Variants in NBAS observed in about 807,000 individuals in gnomAD.
NBAS encodes the protein NAG/BC035112 fusion.
NBAS carries 219 observed loss-of-function variants against 302.5 expected under a neutral mutation model. The ratio of observed to expected loss-of-function variants is 0.72; its 90% CI spans 0.65 to 0.81. The LOEUF is 0.81. Ranked by LOEUF, NBAS falls within the 30% of genes least tolerant of loss-of-function variation. NBAS has a pLI of 0.00. For synonymous variants in NBAS, 1,118 were observed against 1,021.6 expected (o/e 1.09, Z -1.80); for missense variants, 2,932 against 2,841.6 (o/e 1.03, Z -0.72).
chr2:15,096,596 G>A, the NBAS span, among the ~76,000 whole-genome samples: 1 of 152,150 alleles, frequency 6.6e-6, no homozygotes, highest in Non-Finnish European at 1.5e-5. Flanking sequence ...TCCTTATGCA[G>A]TCTCGGACAA....
the NBAS span, among the ~76,000 whole-genome samples, chr2:14,847,804 T>C: frequency 6.6e-6 from 1 of 152,200 alleles, no homozygotes; most frequent in South Asian, 2.1e-4. Flanking sequence ...TTACACAACA[T>C]TTCATCCAAC....
chr2:15,232,619 C>T (rs1667427422), intron 46 of NBAS, 108 bp from the exon 47 acceptor site: 1 of 891,566 alleles, frequency 1.1e-6, no homozygotes, highest in Non-Finnish European at 1.8e-6. Context: ...GCACAGTATA[C>T]TGCCTGCCCA....
At chr2:15,021,094 T>C in the NBAS span, among the ~76,000 whole-genome samples, 1 of 152,066 alleles carries the variant, frequency 6.6e-6, no homozygotes, top group Admixed American at 6.5e-5. Context: ...TAGCCAGGCA[T>C]GTTGGCGGGC....
At chr2:15,442,808 T>A (rs931476527) in intron 21 of NBAS, among the ~76,000 whole-genome samples, 4 of 151,276 alleles carry the variant, frequency 2.6e-5, no homozygotes, top group African/African-American at 9.7e-5. Flanking sequence ...CAATAAAAAA[T>A]GATAAAGGGG....
chr2:15,454,056 C>A (rs1679141014), intron 21 of NBAS, among the ~76,000 whole-genome samples: 1 of 152,142 alleles, frequency 6.6e-6, no homozygotes, highest in South Asian at 2.1e-4. Flanking sequence ...GGATTACAGG[C>A]GTGAGCCACC....
chr2:15,475,728 G>C lies in NBAS; in HGVS notation c.1300C>G (p.Gln434Glu), dbSNP rs1202517766. 10 of 1,613,930 alleles carry C rather than the reference G, an allele frequency of 6.2e-6. No homozygotes were observed. Among genetic ancestry groups the C allele is most frequent in the South Asian group, 4.4e-5 (4 of 91,088 alleles). ...KSCEWFEPSP[Q>E]VTATHDGGFL... is the part of the protein sequence containing the mutation. ...CCCCCATCATGGGTAGCAGTGACTT[G>C]AGGTGATGGTTCAAACCATTCACAG... is the stretch of plus-strand genomic sequence containing the variant. Residue 434 changes from glutamine (Q) to glutamate (E), a missense_variant, in exon 14 of 52, where the codon CAA (glutamine) becomes GAA (glutamate). Physicochemically the swap from Gln to Glu is conservative, Grantham distance 29. Transcript: ENST00000281513.
chr2:15,107,724 G>T, the NBAS span, among the ~76,000 whole-genome samples: 3 of 152,082 alleles, frequency 2.0e-5, no homozygotes, highest in Non-Finnish European at 4.4e-5. Flanking sequence ...CACATTTTAA[G>T]TACATAATTT....
At chr2:15,536,324 A>T in intron 8 of NBAS, 94 bp downstream of exon 8, 1 of 1,456,218 alleles carries the variant, frequency 6.9e-7, no homozygotes, top group South Asian at 1.2e-5. Flanking sequence ...TTCATAATAG[A>T]CAGAAAGCAA....
At position 15,247,706 on chromosome 2, in the gene NBAS, A is replaced by ATATCTCTCTATATATACCTCTATC. The variant is rs1558472331; in HGVS notation, c.5725-9021_5725-9020insGATAGAGGTATATATAGAGAGATA. 7.7e-5 allele frequency among the ~76,000 whole-genome samples: 7 copies of ATATCTCTCTATATATACCTCTATC among 90,954 alleles called. No homozygotes were observed. In the East Asian group the frequency reaches 1.2e-3, roughly 16 times the overall value. The allele number at this position is 90,954 out of a possible 152,430, so 59.7% of individuals were successfully genotyped here. ...TATATATATATCTATATATCTCTCT[A>ATATCTCTCTATATATACCTCTATC]TATATATCTATATATACCTCTATCT... On this transcript the variant is annotated intron_variant, in intron 44 of 51. Coordinates refer to ENST00000281513, the MANE Select transcript of NBAS (RefSeq NM_015909.4).
chr2:15,516,864 C>CA (rs1558405135), intron 9 of NBAS, among the ~76,000 whole-genome samples: 2 of 151,764 alleles, frequency 1.3e-5, no homozygotes, highest in Admixed American at 1.3e-4. Flanking sequence ...CAGCAAATCA[C>CA]AAAAAAAGAA....
chr2:15,368,284 C>T lies in NBAS; in HGVS notation c.3704-1591G>A, dbSNP rs146461465. Among the ~76,000 whole-genome samples the T allele has an allele frequency of 8.4e-3, 1,250 of 149,192 alleles. 19 individuals carry two copies. Among genetic ancestry groups the T allele is most frequent in the East Asian group, 0.059 (291 of 4,948 alleles). Reference sequence around the variant, plus strand: ...GCGTAATCTCGGCTTACTGCAACCTCCACCTCCCAGGTTCAAGCGATTCTT... The same window carrying T: ...GCGTAATCTCGGCTTACTGCAACCTTCACCTCCCAGGTTCAAGCGATTCTT... On this transcript the variant is annotated intron_variant, in intron 31 of 51. Transcript: ENST00000281513.
the NBAS span, among the ~76,000 whole-genome samples, chr2:15,106,996 C>G: frequency 1.3e-5 from 2 of 152,038 alleles, no homozygotes; most frequent in African/African-American, 4.8e-5. Context: ...GGGCTGCTTC[C>G]AGGGTCTGTT....
intron 48 of NBAS, among the ~76,000 whole-genome samples, chr2:15,210,537 T>C (rs903531381): frequency 6.6e-6 from 1 of 152,112 alleles, no homozygotes; most frequent in Non-Finnish European, 1.5e-5. Context: ...TGTAAATTAG[T>C]ACAAAAACTA....
At chr2:15,272,322 T>C (rs1274625511) in intron 44 of NBAS, among the ~76,000 whole-genome samples, 1 of 152,244 alleles carries the variant, frequency 6.6e-6, no homozygotes, top group Admixed American at 6.5e-5. Context: ...TGTGTATGAA[T>C]AGTACACATT....
At chr2:15,153,189 C>G in the NBAS span, among the ~76,000 whole-genome samples, 1 of 152,194 alleles carries the variant, frequency 6.6e-6, no homozygotes, top group Non-Finnish European at 1.5e-5. Flanking sequence ...CAAAAATCTA[C>G]CCATGATGAT....
At chr2:15,425,941 A>G (rs527893319) in intron 22 of NBAS, among the ~76,000 whole-genome samples, 1 of 151,970 alleles carries the variant, frequency 6.6e-6, no homozygotes, top group East Asian at 1.9e-4. Flanking sequence ...CTTCTCAGTC[A>G]CCTTTGCTAC....
chr2:15,468,447 C>T lies in NBAS; in HGVS notation c.1812G>A (p.Gln604=). 1 of 1,614,088 alleles carries T rather than the reference C, an allele frequency of 6.2e-7. No individual in the cohort carries two copies. The highest frequency in any genetic ancestry group is 8.5e-7 in the Non-Finnish European group (1 of 1,179,972). The change falls in exon 17 of 52, where the codon CAG becomes CAA. Residue 604 remains glutamine, a synonymous_variant. Transcript: ENST00000281513. ...CCAGGTCTGTGCCTTTTAATCCATA[C>T]TGAAGCAGTTCTTTTGCAGCATCCA... ...ENVDAAKELL[Q]YGLKGTDLEA...
At chr2:15,226,966 A>AAATGGGCATCCTTGTC (rs1180868180) in intron 47 of NBAS, among the ~76,000 whole-genome samples, 1 of 152,198 alleles carries the variant, frequency 6.6e-6, no homozygotes, top group Non-Finnish European at 1.5e-5. Context: ...AAAGTGGTGA[A>AAATGGGCATCCTTGTC]AATGGGCATC....
intron 6 of NBAS, among the ~76,000 whole-genome samples, chr2:15,549,514 A>G (rs1664274048): frequency 6.6e-6 from 1 of 152,012 alleles, no homozygotes; most frequent in South Asian, 2.1e-4. Flanking sequence ...GGATCACTTG[A>G]GCCCATGAGT....
Sources: allele counts gnomAD v4.1 joint callset (sites outside exome capture counted in the v4.1 genomes callset), GRCh38; gene constraint gnomAD v4.1.1; transcripts MANE v1.5; gene names NCBI Gene and HGNC (gene_info 2026-07-23, HGNC 2026-07-21).